The following MMP26 variants were observed in gnomAD, a reference collection of about 807,000 sequenced individuals.
MMP26 encodes the protein matrix metalloproteinase-26.
In MMP26, 33 loss-of-function variants were observed where a neutral mutation model predicts 31.0. The ratio of observed to expected loss-of-function variants is 1.06; its 90% confidence interval spans 0.81 to 1.42. The LOEUF is 1.42. MMP26 is among the 40% of genes most tolerant of loss of function. MMP26 has a pLI of 0.00. For synonymous variants in MMP26, 122 were observed against 114.9 expected (o/e 1.06, Z -0.40); for missense variants, 347 against 316.1 (o/e 1.10, Z -0.74).
At chr11:4,754,275 A>G (rs939291278) in intron 1 of MMP26, among the ~76,000 whole-genome samples, 5 of 151,932 alleles carry the variant, frequency 3.3e-5, no homozygotes, top group African/African-American at 1.2e-4. Context: ...GATGATAATT[A>G]TCGTATACTT....
rs1223917140 is a variant in MMP26 at position 4,766,168 on chromosome 11, G to T, written c.-216-1102G>T. The stretch of plus-strand genomic sequence containing the variant: ...CTTGCTAATTTTTGCTATTCTTCGG[G>T]TTATAGTCTCTTTCTTATCTTACTA... On this transcript the variant is annotated intron_variant, in intron 1 of 7. Transcript: ENST00000380390. Among the ~76,000 whole-genome samples, 4 of 152,244 alleles carry T rather than the reference G, an allele frequency of 2.6e-5. No homozygotes were observed. The East Asian group carries it at 7.7e-4, about 29-fold the overall frequency.
chr11:4,845,881 A>C (rs1849860090), intron 2 of MMP26, among the ~76,000 whole-genome samples: 1 of 152,224 alleles, frequency 6.6e-6, no homozygotes, highest in African/African-American at 2.4e-5. Flanking sequence ...CTCAAATCAA[A>C]GCTATCATGA....
intron 1 of MMP26, among the ~76,000 whole-genome samples, chr11:4,709,086 C>G (rs2133263510): frequency 6.6e-6 from 1 of 152,088 alleles, no homozygotes; most frequent in Middle Eastern, 3.4e-3. Context: ...ATCTTATTCT[C>G]TTACTTTCAT....
intron 2 of MMP26, among the ~76,000 whole-genome samples, chr11:4,957,526 G>A (rs1378161646): frequency 2.6e-5 from 4 of 151,628 alleles, no homozygotes; most frequent in East Asian, 1.9e-4. Flanking sequence ...CCTTTCCCCC[G>A]ATGAGAAAAA....
At chr11:4,900,046 G>C (rs1000456170) in intron 2 of MMP26, among the ~76,000 whole-genome samples, 1 of 152,060 alleles carries the variant, frequency 6.6e-6, no homozygotes. Flanking sequence ...CGCATCTGGG[G>C]TATGTTGTCT....
intron 2 of MMP26, chr11:4,943,785 A>G: frequency 2.4e-6 from 1 of 412,008 alleles, no homozygotes; most frequent in Admixed American, 3.0e-5. Context: ...CATTATGCTG[A>G]CCATAAATCT....
At chr11:4,751,099 T>C (rs942506692) in intron 1 of MMP26, among the ~76,000 whole-genome samples, 1 of 152,068 alleles carries the variant, frequency 6.6e-6, no homozygotes, top group Non-Finnish European at 1.5e-5. Context: ...AAATTTCTTG[T>C]GTTACACATG....
Position 4,786,305 on chromosome 11 carries a change from G to C in MMP26, c.-145+18964G>C, listed in dbSNP as rs115676130. ...CATGAAGAGGAATAACTGCAACTCA[G>C]AATTTAATGCCAATCCTCCCTCCAA... On this transcript the variant is annotated intron_variant, in intron 2 of 7. Coordinates refer to ENST00000380390, the MANE Select transcript of MMP26 (RefSeq NM_021801.5). Among the ~76,000 whole-genome samples, 25 of 152,208 alleles carry C rather than the reference G, an allele frequency of 1.6e-4. 1 individual carries two copies. The highest frequency in any genetic ancestry group is 5.8e-4 in the African/African-American group (24 of 41,520).
intron 1 of MMP26, chr11:4,710,405 C>T: frequency 6.6e-6 from 3 of 456,980 alleles, no homozygotes; most frequent in Non-Finnish European, 8.8e-6. Context: ...TGCTCATTGC[C>T]AATGTTTATC....
In MMP26 at chr11:4,859,494, C is replaced by T. The variant is rs1850110150; in HGVS notation, c.-145+92153C>T. 8.4e-6 allele frequency: 3 copies of T among 356,618 alleles called. No homozygotes were observed. The Admixed American group carries it at 1.1e-4, about 13-fold the overall frequency. The allele number at this position is 356,618 out of a possible 1,614,324, so 22.1% of individuals were successfully genotyped here. On this transcript the variant is annotated intron_variant, in intron 2 of 7. Transcript: ENST00000380390. ...TATGTATCTTCACCCACAAGCCTTA[C>T]CCACTCCTGCATTTCCCCAGATGTG...
At chr11:4,904,947 A>G (rs1850860666) in intron 2 of MMP26, among the ~76,000 whole-genome samples, 2 of 152,162 alleles carry the variant, frequency 1.3e-5, no homozygotes, top group Admixed American at 6.5e-5. Flanking sequence ...GTAGTAATGG[A>G]GTTTGGTAGG....
intron 1 of MMP26, among the ~76,000 whole-genome samples, chr11:4,738,021 T>C (rs1848265033): frequency 6.6e-6 from 1 of 152,118 alleles, no homozygotes; most frequent in African/African-American, 2.4e-5. Context: ...CTCAAACTCT[T>C]GGCCTCAAGT....
intron 1 of MMP26, among the ~76,000 whole-genome samples, chr11:4,733,133 C>T (rs1848195727): frequency 1.3e-5 from 2 of 152,178 alleles, no homozygotes; most frequent in South Asian, 4.1e-4. Flanking sequence ...TTTGGCTCTT[C>T]TGGAACCCTT....
intron 2 of MMP26, chr11:4,787,446 C>T (rs1286066451): frequency 6.6e-6 from 1 of 152,252 alleles, no homozygotes; most frequent in Non-Finnish European, 1.5e-5. Flanking sequence ...TAAACATCAT[C>T]TCTTCAGAGG....
chr11:4,884,843 A>T (rs1850527434), intron 2 of MMP26, among the ~76,000 whole-genome samples: 2 of 152,088 alleles, frequency 1.3e-5, no homozygotes, highest in South Asian at 4.1e-4. Flanking sequence ...ATATTTTTGG[A>T]TCATAATTTA....
At chr11:4,754,381 A>C (rs1185415098) in intron 1 of MMP26, among the ~76,000 whole-genome samples, 1 of 151,954 alleles carries the variant, frequency 6.6e-6, no homozygotes, top group African/African-American at 2.4e-5. Flanking sequence ...TATGGCTCAG[A>C]CGTGAAACAA....
At chr11:4,891,821 A>C (rs1850627744) in intron 2 of MMP26, among the ~76,000 whole-genome samples, 1 of 152,086 alleles carries the variant, frequency 6.6e-6, no homozygotes, top group Admixed American at 6.6e-5. Flanking sequence ...CTCTCAACTA[A>C]ACTATAGCAA....
intron 2 of MMP26, among the ~76,000 whole-genome samples, chr11:4,842,279 A>G (rs958170464): frequency 6.6e-6 from 1 of 152,188 alleles, no homozygotes; most frequent in African/African-American, 2.4e-5. Flanking sequence ...GGTTAAAATA[A>G]TGGGTTATAA....
intron 2 of MMP26, chr11:4,924,347 C>T: frequency 6.3e-7 from 1 of 1,574,850 alleles, no homozygotes; most frequent in Non-Finnish European, 8.6e-7. Flanking sequence ...CATAGCTTTA[C>T]AATCTTGGAC....
Sources: gnomAD v4.1 joint callset for allele counts (sites outside exome capture counted in the v4.1 genomes callset) on GRCh38, gnomAD v4.1.1 for gene constraint, MANE v1.5 for transcripts, NCBI Gene and HGNC (gene_info 2026-07-23, HGNC 2026-07-21) for gene names.